The following ZC4H2 variants were observed in gnomAD, a reference collection of about 807,000 sequenced individuals.
The protein encoded by ZC4H2 is zinc finger C4H2 domain-containing protein.
For missense variants in ZC4H2, 137 were observed against 173.9 expected (o/e 0.79, Z 1.19); for synonymous variants, 84 against 66.3 (o/e 1.27, Z -1.30).
intron 1 of ZC4H2, among the ~76,000 whole-genome samples, chrX:65,019,363 G>T (rs903426628): frequency 8.9e-6 from 1 of 112,416 alleles, no homozygotes; most frequent in Non-Finnish European, 1.9e-5. Flanking sequence ...TTGCTATTCT[G>T]CAGCCTCTGC....
chrX:64,916,489 A>G lies in ZC4H2; in HGVS notation c.*1294T>C, dbSNP rs1382146109. On this transcript the variant is annotated 3_prime_UTR_variant, in exon 5 of 5. Transcript: ENST00000374839. ...GTACAGACACAACACTCTTACTTTC[A>G]AAGAGCAGAGGAACATTTTATATAG... 1 of 112,245 alleles carries G rather than the reference A, an allele frequency of 8.9e-6. No individual in the cohort carries two copies. Among genetic ancestry groups the G allele is most frequent in the African/African-American group, 3.2e-5 (1 of 30,914 alleles). 9.3% of individuals were successfully genotyped at this position (112,245 alleles called of 1,213,427 possible).
chrX:64,924,120 T>A (rs969622225), intron 1 of ZC4H2, among the ~76,000 whole-genome samples: 1 of 111,751 alleles, frequency 8.9e-6, no homozygotes, highest in Non-Finnish European at 1.9e-5. Context: ...CAGAGTAGTA[T>A]AGTGTCTCAC....
chrX:65,025,902 C>T (rs1468657929), intron 1 of ZC4H2, among the ~76,000 whole-genome samples: 1 of 112,259 alleles, frequency 8.9e-6, no homozygotes, highest in Admixed American at 9.4e-5. Context: ...AATGGCATTC[C>T]TGTCCCCAAG....
At chrX:64,994,196 G>A (rs765811888) in intron 1 of ZC4H2, among the ~76,000 whole-genome samples, 8 of 111,433 alleles carry the variant, frequency 7.2e-5, no homozygotes. Flanking sequence ...ACCTTTACAG[G>A]TATTATTAGT....
At position 64,921,753 on chromosome X, in the gene ZC4H2, C is replaced by T. The variant is rs1209939008; in HGVS notation, c.225+64G>A. On this transcript the variant is annotated intron_variant, in intron 2 of 4. Transcript: ENST00000374839. ...GCCTAAGCCACATCTCAAGGAAAGG[C>T]CCTATCATTCACCACTACCTCTTTC... The T allele has an allele frequency of 9.8e-6, 11 of 1,124,830 alleles. No individual in the cohort carries two copies. In the African/African-American group the frequency reaches 1.8e-4, roughly 18 times the overall value. The allele number at this position is 1,124,830 out of a possible 1,213,427, so 92.7% of individuals were successfully genotyped here.
At chrX:64,982,341 A>C (rs768437623) in intron 1 of ZC4H2, among the ~76,000 whole-genome samples, 1 of 112,179 alleles carries the variant, frequency 8.9e-6, no homozygotes, top group Non-Finnish European at 1.9e-5. Context: ...AGGCTGGGGT[A>C]CTTTAGAACT....
At chrX:65,001,149 T>C (rs936820495) in intron 1 of ZC4H2, among the ~76,000 whole-genome samples, 3 of 107,178 alleles carry the variant, frequency 2.8e-5, no homozygotes, top group South Asian at 8.3e-4. Context: ...TTAACCAAGG[T>C]TGAAACAAAG....
intron 1 of ZC4H2, among the ~76,000 whole-genome samples, chrX:64,935,104 G>A (rs1344013437): frequency 8.9e-6 from 1 of 111,780 alleles, no homozygotes; most frequent in African/African-American, 3.3e-5. Context: ...CAGCACAGCA[G>A]CAGTCTGATA....
Position 64,941,826 on chromosome X carries a change from T to C in ZC4H2, c.54-19838A>G, listed in dbSNP as rs779817265. On this transcript the variant is annotated intron_variant, in intron 1 of 4. Transcript: ENST00000374839. Reference sequence around the variant, plus strand: ...TTCTCATTGATGTTAATCAGCAATATTGGCCTGAAATTTTCTTTGTTATTG... The same window carrying C: ...TTCTCATTGATGTTAATCAGCAATACTGGCCTGAAATTTTCTTTGTTATTG... Among the ~76,000 whole-genome samples, 5 of 112,279 alleles carry C rather than the reference T, an allele frequency of 4.5e-5. No homozygotes were observed. The East Asian group carries it at 1.1e-3, about 25-fold the overall frequency.
chrX:65,032,976 C>G (rs1420939113), intron 1 of ZC4H2, among the ~76,000 whole-genome samples: 2 of 111,226 alleles, frequency 1.8e-5, no homozygotes, highest in Admixed American at 9.6e-5. Flanking sequence ...GGGATTTTGC[C>G]ATGTTGGCCA....
intron 1 of ZC4H2, among the ~76,000 whole-genome samples, chrX:64,954,100 T>C (rs1256535502): frequency 2.9e-5 from 3 of 104,251 alleles, no homozygotes; most frequent in African/African-American, 1.1e-4. Context: ...TTCTCACTCA[T>C]AGGTGGGAAT....
chrX:64,944,352 C>A (rs745776586), intron 1 of ZC4H2, among the ~76,000 whole-genome samples: 1 of 108,912 alleles, frequency 9.2e-6, no homozygotes, highest in Admixed American at 9.8e-5. Flanking sequence ...ACCATGTTAG[C>A]CAGGATGGTC....
intron 3 of ZC4H2, chrX:64,919,686 A>G (rs1445133218): frequency 4.8e-5 from 7 of 147,321 alleles, no homozygotes; most frequent in Non-Finnish European, 6.5e-5. Context: ...CCACTTCCTG[A>G]AGACCAGGAA....
chrX:64,955,277 G>A (rs890239472), intron 1 of ZC4H2, among the ~76,000 whole-genome samples: 1 of 111,587 alleles, frequency 9.0e-6, no homozygotes, highest in Non-Finnish European at 1.9e-5. Context: ...TTCAATGCAT[G>A]TTTTCTGGTT....
chrX:64,990,228 A>C (rs1932283037), intron 1 of ZC4H2, among the ~76,000 whole-genome samples: 1 of 112,128 alleles, frequency 8.9e-6, no homozygotes, highest in Non-Finnish European at 1.9e-5. Flanking sequence ...CTGTGGGTGA[A>C]TCTCCAGAGA....
At chrX:64,994,275 A>C (rs1204032485) in intron 1 of ZC4H2, among the ~76,000 whole-genome samples, 3 of 111,609 alleles carry the variant, frequency 2.7e-5, no homozygotes, top group Non-Finnish European at 5.6e-5. Flanking sequence ...GCAGAAACAG[A>C]GTCACAGAGA....
intron 1 of ZC4H2, among the ~76,000 whole-genome samples, chrX:65,026,371 C>CTA (rs1932878557): frequency 9.0e-6 from 1 of 111,609 alleles, no homozygotes; most frequent in Non-Finnish European, 1.9e-5. Context: ...TATGGGAGAG[C>CTA]AGAATGTTTG....
chrX:64,919,151 A>T lies in ZC4H2; in HGVS notation c.452T>A (p.Ile151Asn). 8.3e-7 allele frequency: 1 copy of T among 1,210,363 alleles called. No individual in the cohort carries two copies. The highest frequency in any genetic ancestry group is 1.1e-6 in the Non-Finnish European group (1 of 894,829). ...GGCTGCAGCGGCCAGGGACTCAGGG[A>T]TGGGGGGCTCCTGAGGTTCTGTCTG... ...EWQTEPQEPP[I>N]PESLAAAAAA... The change falls in exon 4 of 5, where the codon ATC becomes AAC. Residue 151 changes from isoleucine to asparagine, a missense_variant. Transcript: ENST00000374839.
intron 1 of ZC4H2, among the ~76,000 whole-genome samples, chrX:64,991,490 TG>T (rs1229201393): frequency 2.7e-5 from 3 of 111,034 alleles, no homozygotes; most frequent in Non-Finnish European, 5.7e-5. Flanking sequence ...GCAGGAGGAG[TG>T]TTTGAACCTA....
Sources: gnomAD v4.1 joint callset for allele counts (sites outside exome capture counted in the v4.1 genomes callset) on GRCh38, gnomAD v4.1.1 for gene constraint, MANE v1.5 for transcripts, NCBI Gene and HGNC (gene_info 2026-07-23, HGNC 2026-07-21) for gene names.